MYLIP: variants seen among roughly 807,000 people sequenced by gnomAD.
MYLIP encodes the protein E3 ubiquitin-protein ligase MYLIP.
MYLIP carries 26 observed loss-of-function variants against 45.8 expected under a neutral mutation model. That is an observed-to-expected ratio of 0.57 (90% CI 0.42 to 0.79). The LOEUF is 0.79. Among genes scored for constraint, MYLIP ranks in the 30% least tolerant of loss-of-function variants. The probability of loss-of-function intolerance (pLI) is 0.00; values close to 1 mark genes in which losing one functional copy is unlikely to be tolerated. For synonymous variants in MYLIP, 213 were observed against 218.1 expected (o/e 0.98, Z 0.21); for missense variants, 494 against 555.6 (o/e 0.89, Z 1.11).
chr6:16,154,721 T>C, the MYLIP span, among the ~76,000 whole-genome samples: 1 of 152,138 alleles, frequency 6.6e-6, no homozygotes, highest in Non-Finnish European at 1.5e-5. Flanking sequence ...CCAAACCCTC[T>C]CCACTAGTGC....
chr6:16,143,928 G>T (rs1759732320), intron 5 of MYLIP, 65 bp downstream of exon 5: 1 of 1,525,576 alleles, frequency 6.6e-7, no homozygotes, highest in Admixed American at 1.9e-5. Context: ...TGACAACCAG[G>T]TTTCTACGGT....
At chr6:16,136,505 C>T (rs1008267092) in intron 2 of MYLIP, among the ~76,000 whole-genome samples, 1 of 152,138 alleles carries the variant, frequency 6.6e-6, no homozygotes, top group African/African-American at 2.4e-5. Flanking sequence ...TGTTTTCCAG[C>T]TATTATGAAT....
chr6:16,147,667 G>C lies in MYLIP; in HGVS notation c.*916G>C, dbSNP rs935577778. Reference sequence around the variant, plus strand: ...CACTCGATCCCAGCTTCACCCACTGGTGTTGCTTTGCTTGAACTGTTCAAG... The same window carrying C: ...CACTCGATCCCAGCTTCACCCACTGCTGTTGCTTTGCTTGAACTGTTCAAG... On this transcript the variant is annotated 3_prime_UTR_variant, in exon 7 of 7. Transcript: ENST00000356840. 6.6e-6 allele frequency: 1 copy of C among 152,366 alleles called. No homozygotes were observed. The highest frequency in any genetic ancestry group is 2.4e-5 in the African/African-American group (1 of 41,432). The allele number at this position is 152,366 out of a possible 1,614,324, so 9.4% of individuals were successfully genotyped here.
the MYLIP span, among the ~76,000 whole-genome samples, chr6:16,153,812 T>C: frequency 2.0e-5 from 3 of 152,196 alleles, no homozygotes; most frequent in African/African-American, 7.2e-5. Flanking sequence ...CGTTTTGAAA[T>C]GGGACTCGGG....
downstream of MYLIP, among the ~76,000 whole-genome samples, chr6:16,148,755 C>G (rs563816403): frequency 4.9e-4 from 75 of 152,224 alleles, no homozygotes; most frequent in Middle Eastern, 6.8e-3. Context: ...TACAGAAGCT[C>G]GGGCTGTATT....
At chr6:16,138,527 T>C (rs1759602343) in intron 2 of MYLIP, among the ~76,000 whole-genome samples, 1 of 152,220 alleles carries the variant, frequency 6.6e-6, no homozygotes, top group Non-Finnish European at 1.5e-5. Context: ...TTGCTACTAG[T>C]ACTCTGTTGT....
chr6:16,162,254 G>C, the MYLIP span, among the ~76,000 whole-genome samples: 1 of 152,174 alleles, frequency 6.6e-6, no homozygotes, highest in Admixed American at 6.5e-5. Context: ...AATTCGTACT[G>C]TTTTATGTCT....
the MYLIP span, among the ~76,000 whole-genome samples, chr6:16,154,352 C>T: frequency 6.6e-6 from 1 of 152,156 alleles, no homozygotes; most frequent in African/African-American, 2.4e-5. Context: ...GGTGGAGTCC[C>T]TGAGCGGGTG....
chr6:16,158,869 C>CAAAAT, the MYLIP span, among the ~76,000 whole-genome samples: 1 of 150,984 alleles, frequency 6.6e-6, no homozygotes, highest in East Asian at 1.9e-4. Context: ...GACTCCGTCT[C>CAAAAT]AAAACAAAAC....
chr6:16,142,034 C>CAG (rs1759684760), intron 3 of MYLIP, among the ~76,000 whole-genome samples: 1 of 152,110 alleles, frequency 6.6e-6, no homozygotes, highest in Admixed American at 6.5e-5. Flanking sequence ...AAAGGGTATC[C>CAG]AAGCAAGGGG....
chr6:16,143,565 G>T, intron 4 of MYLIP, 134 bp from the exon 5 acceptor site: 1 of 880,860 alleles, frequency 1.1e-6, no homozygotes. Context: ...CAGCATTATG[G>T]TGATGTGATA....
At position 16,147,923 on chromosome 6, in the gene MYLIP, G is replaced by A. The variant is rs116634947; in HGVS notation, c.*1172G>A. ...CAGCTAGCAGGTTTTCTGGGATGTCGGGAGACCTAGATGACCTTATCGGGT... is the reference window on the plus strand; with the variant it reads ...CAGCTAGCAGGTTTTCTGGGATGTCAGGAGACCTAGATGACCTTATCGGGT... On this transcript the variant is annotated 3_prime_UTR_variant, in exon 7 of 7. Transcript: ENST00000356840. 4 of 152,526 alleles carry A rather than the reference G, an allele frequency of 2.6e-5. No homozygotes were observed. Among genetic ancestry groups the A allele is most frequent in the Non-Finnish European group, 5.9e-5 (4 of 68,030 alleles). 9.4% of individuals were successfully genotyped at this position (152,526 alleles called of 1,614,324 possible). A position where few individuals can be genotyped will look rare whatever the true frequency, so the allele number is the denominator to read the frequency against.
chr6:16,146,844 A>C lies in MYLIP; in HGVS notation c.*93A>C. 8.9e-7 allele frequency: 1 copy of C among 1,119,166 alleles called. No individual in the cohort carries two copies. Among genetic ancestry groups the C allele is most frequent in the Admixed American group, 2.1e-5 (1 of 47,164 alleles). 69.3% of individuals were successfully genotyped at this position (1,119,166 alleles called of 1,614,324 possible). ...AGATTGTGGAGAAAGTAATTATTCC[A>C]ACACCCATCTGCCATGCGATGTTAA... On this transcript the variant is annotated 3_prime_UTR_variant, in exon 7 of 7. Coordinates refer to ENST00000356840, the MANE Select transcript of MYLIP (RefSeq NM_013262.4).
the MYLIP span, among the ~76,000 whole-genome samples, chr6:16,156,662 AC>A: frequency 1.3e-5 from 2 of 152,244 alleles, no homozygotes; most frequent in African/African-American, 2.4e-5. Context: ...GCCTCAGTTT[AC>A]TGTACTAGAA....
In MYLIP at chr6:16,146,955, G is replaced by A. The variant is rs1306272430; in HGVS notation, c.*204G>A. On this transcript the variant is annotated 3_prime_UTR_variant, in exon 7 of 7. Transcript: ENST00000356840. ...GTAGAATCAACAACTCCAGTCATGG[G>A]ACCAGGAGGAGCTCTGGGACGCAGA... is the stretch of plus-strand genomic sequence containing the variant. 4.3e-6 allele frequency: 2 copies of A among 462,682 alleles called. No homozygotes were observed. The highest frequency in any genetic ancestry group is 3.9e-5 in the African/African-American group (2 of 51,612). The allele number at this position is 462,682 out of a possible 1,614,324, so 28.7% of individuals were successfully genotyped here. A position where few individuals can be genotyped will look rare whatever the true frequency, so the allele number is the denominator to read the frequency against.
At chr6:16,132,317 C>G (rs1759473957) in intron 2 of MYLIP, among the ~76,000 whole-genome samples, 1 of 152,100 alleles carries the variant, frequency 6.6e-6, no homozygotes, top group Admixed American at 6.5e-5. Context: ...GGGTTAGTAA[C>G]TATTATCAAA....
At chr6:16,138,543 TCTC>T in intron 2 of MYLIP, among the ~76,000 whole-genome samples, 1 of 152,280 alleles carries the variant, frequency 6.6e-6, no homozygotes, top group Admixed American at 6.5e-5. Flanking sequence ...GTTGTACTGT[TCTC>T]CTGGAGAGCA....
chr6:16,135,761 A>ATC (rs1411917875), intron 2 of MYLIP, among the ~76,000 whole-genome samples: 2 of 110,620 alleles, frequency 1.8e-5, no homozygotes, highest in Non-Finnish European at 3.9e-5. Flanking sequence ...ATATCTATAT[A>ATC]TATATATATA....
In MYLIP at chr6:16,134,145, G is replaced by A. The variant is rs151123667; in HGVS notation, c.278+3398G>A. On this transcript the variant is annotated intron_variant, in intron 2 of 6. Coordinates refer to ENST00000356840, the MANE Select transcript of MYLIP (RefSeq NM_013262.4). ...ACTACATATACTTACGTGGTAATTT[G>A]TTTATTATCAGTCACTCTAATAACC... Among the ~76,000 whole-genome samples, 227 of 152,172 alleles carry A rather than the reference G, an allele frequency of 1.5e-3. 1 individual carries two copies. The highest frequency in any genetic ancestry group is 0.015 in the South Asian group (70 of 4,824).
Sources: allele counts gnomAD v4.1 joint callset (sites outside exome capture counted in the v4.1 genomes callset), GRCh38; gene constraint gnomAD v4.1.1; transcripts MANE v1.5; gene names NCBI Gene and HGNC (gene_info 2026-07-23, HGNC 2026-07-21).